Variants in CFAP47 observed in about 807,000 individuals in gnomAD.
CFAP47 encodes cilia- and flagella-associated protein 47.
In CFAP47, 29 loss-of-function variants were observed where a neutral mutation model predicts 148.1. The observed-to-expected ratio is 0.20, with a 90% CI of 0.15 to 0.27. CFAP47 has a LOEUF of 0.27. Ranked by LOEUF, CFAP47 falls within the 10% of genes least tolerant of loss-of-function variation. The pLI is 1.00. For synonymous variants in CFAP47, 664 were observed against 577.3 expected (o/e 1.15, Z -2.15); for missense variants, 1,872 against 1,697.5 (o/e 1.10, Z -1.81).
intron 23 of CFAP47, among the ~76,000 whole-genome samples, chrX:36,031,682 T>G (rs1937280870): frequency 9.1e-6 from 1 of 109,698 alleles, no homozygotes; most frequent in South Asian, 3.8e-4. Context: ...TAAATTAATA[T>G]GAAATATATT....
In CFAP47 at chrX:36,088,370, G is replaced by T. The variant is rs748338052; in HGVS notation, c.4916+2832G>T. ...ATTGTGCCCCATCCCAAATTCATATGTTGAAACCCTAACCCCCAATGTGAT... is the reference window on the plus strand; with the variant it reads ...ATTGTGCCCCATCCCAAATTCATATTTTGAAACCCTAACCCCCAATGTGAT... On this transcript the variant is annotated intron_variant, in intron 30 of 63. Transcript: ENST00000378653. Among the ~76,000 whole-genome samples, 4 of 111,402 alleles carry T rather than the reference G, an allele frequency of 3.6e-5. No individual in the cohort carries two copies. In the Admixed American group the frequency reaches 3.8e-4, roughly 11 times the overall value.
At position 35,919,975 on chromosome X, in the gene CFAP47, G is replaced by A. The variant is rs755329242; in HGVS notation, c.176G>A (p.Arg59His). 2 of 1,209,688 alleles carry A rather than the reference G, an allele frequency of 1.7e-6. No homozygotes were observed. Among genetic ancestry groups the A allele is most frequent in the East Asian group, 3.0e-5 (1 of 33,763 alleles). ...FLDTMAGRVY[R>H]LPITVHNICR... ...GACACGATGGCCGGGAGGGTGTACCGCCTCCCGATTACTGTGCATAATATT... is the reference window on the plus strand; with the variant it reads ...GACACGATGGCCGGGAGGGTGTACCACCTCCCGATTACTGTGCATAATATT... Residue 59 changes from arginine (R) to histidine (H), a missense_variant, in exon 1 of 64, where the codon CGC becomes CAC. Coordinates refer to ENST00000378653, the MANE Select transcript of CFAP47 (RefSeq NM_001304548.2).
intron 30 of CFAP47, among the ~76,000 whole-genome samples, 165 bp from the exon 31 acceptor site, chrX:36,098,628 A>T (rs1938320036): frequency 8.9e-6 from 1 of 112,065 alleles, no homozygotes; most frequent in Non-Finnish European, 1.9e-5. Flanking sequence ...AGCTTCACCC[A>T]GTGGCCACTG....
At chrX:36,340,165 C>A (rs1167088468) in intron 57 of CFAP47, among the ~76,000 whole-genome samples, 1 of 111,594 alleles carries the variant, frequency 9.0e-6, no homozygotes, top group African/African-American at 3.3e-5. Flanking sequence ...TACTCCCATT[C>A]AGTCAAGGGA....
At chrX:36,006,665 A>G (rs1433085077) in intron 21 of CFAP47, among the ~76,000 whole-genome samples, 1 of 112,058 alleles carries the variant, frequency 8.9e-6, no homozygotes, top group Non-Finnish European at 1.9e-5. Context: ...CCTACACTGC[A>G]CCAGGTTTGA....
chrX:36,169,462 C>T (rs1270274211), intron 39 of CFAP47, among the ~76,000 whole-genome samples: 16 of 108,943 alleles, frequency 1.5e-4, no homozygotes, highest in African/African-American at 5.0e-4. Flanking sequence ...TATTATTTTT[C>T]TCCCTGTTCC....
chrX:36,354,669 G>A (rs1389235078), intron 60 of CFAP47, among the ~76,000 whole-genome samples: 1 of 110,169 alleles, frequency 9.1e-6, no homozygotes, highest in Non-Finnish European at 1.9e-5. Flanking sequence ...CACCAATTCA[G>A]CAATAATTCC....
chrX:36,229,542 T>C (rs952886983), intron 46 of CFAP47, among the ~76,000 whole-genome samples: 1 of 111,709 alleles, frequency 9.0e-6, no homozygotes, highest in Admixed American at 9.5e-5. Context: ...AATGCTCTTA[T>C]GTGACATAGA....
At chrX:35,937,762 A>G (rs1748493345) in intron 2 of CFAP47, among the ~76,000 whole-genome samples, 1 of 90,493 alleles carries the variant, frequency 1.1e-5, no homozygotes, top group Non-Finnish European at 2.0e-5. Context: ...AATGTGATTA[A>G]AAAAAACTGT....
chrX:36,338,198 A>AT (rs1176779963), intron 57 of CFAP47, among the ~76,000 whole-genome samples: 1 of 108,813 alleles, frequency 9.2e-6, no homozygotes, highest in Non-Finnish European at 1.9e-5. Context: ...TCCATAATAC[A>AT]TTTTTAATGG....
In CFAP47 at chrX:36,039,165, T is replaced by A; in HGVS notation, c.3993T>A (p.Pro1331=). The change falls in exon 25 of 64, where the codon CCT becomes CCA. Residue 1331 remains proline (P), a synonymous_variant. Coordinates refer to ENST00000378653, the MANE Select transcript of CFAP47 (RefSeq NM_001304548.2). ...CTGTAATGGATATCAACATTTTACC[T>A]CAAAACTATTTCAGGTAAATACTCA... ...ITTVMDINIL[P]QNYFRNSTLC... is the part of the protein sequence containing the mutation. 9.5e-7 allele frequency: 1 copy of A among 1,054,513 alleles called. No homozygotes were observed. Among genetic ancestry groups the A allele is most frequent in the Non-Finnish European group, 1.3e-6 (1 of 790,142 alleles). The allele number at this position is 1,054,513 out of a possible 1,213,427, so 86.9% of individuals were successfully genotyped here. A position where few individuals can be genotyped will look rare whatever the true frequency, so the allele number is the denominator to read the frequency against.
At chrX:36,244,035 A>G (rs1407667761) in intron 48 of CFAP47, among the ~76,000 whole-genome samples, 1 of 111,353 alleles carries the variant, frequency 9.0e-6, no homozygotes, top group African/African-American at 3.2e-5. Context: ...TGCCCAGCAC[A>G]TTCTCAGATC....
chrX:36,171,659 C>G (rs2146858322), intron 39 of CFAP47, among the ~76,000 whole-genome samples: 1 of 111,396 alleles, frequency 9.0e-6, no homozygotes, highest in East Asian at 2.8e-4. Flanking sequence ...TGATCTATAT[C>G]TCTGTTTTGG....
In CFAP47 at chrX:36,384,979, G is replaced by C; in HGVS notation, c.9537G>C (p.Lys3179Asn). 1 of 1,164,455 alleles carries C rather than the reference G, an allele frequency of 8.6e-7. No individual in the cohort carries two copies. Among genetic ancestry groups the C allele is most frequent in the Non-Finnish European group, 1.1e-6 (1 of 870,150 alleles). The change falls in exon 64 of 64, where the codon AAG becomes AAC. Residue 3179 changes from lysine (K) to asparagine (N), a missense_variant. Physicochemically the swap from Lys to Asn is moderately conservative, Grantham distance 94 (BLOSUM62 0). Transcript: ENST00000378653. ...GAACAGGGGTGTCTTCCACCATCAA[G>C]GGTGCTCCTTTGGTGAAGAATCAAT... The part of the protein sequence containing the change: ...LIRTGVSSTI[K>N]GAPLVKNQ
At position 36,008,457 on chromosome X, in the gene CFAP47, G is replaced by A. The variant is rs1937003914; in HGVS notation, c.3418-6317G>A. On this transcript the variant is annotated intron_variant, in intron 21 of 63. Coordinates refer to ENST00000378653, the MANE Select transcript of CFAP47 (RefSeq NM_001304548.2). ...TGTTCCCTGGGGTGATTTTTCTAGA[G>A]GGTCCTTATCTGTTAAAAATGCCTG... Among the ~76,000 whole-genome samples, 5 of 110,596 alleles carry A rather than the reference G, an allele frequency of 4.5e-5. No homozygotes were observed. The South Asian group carries it at 2.0e-3, about 43-fold the overall frequency.
rs1936754435 is a variant in CFAP47 at position 35,989,050 on chromosome X, T to C, written c.2714-269T>C. On this transcript the variant is annotated intron_variant, in intron 15 of 63. Transcript: ENST00000378653. ...TGCTTCATTGTTAAATATTCTATTG[T>C]TTTCCAAATATTGGCATATTTTTTC... Among the ~76,000 whole-genome samples, 3 of 112,175 alleles carry C rather than the reference T, an allele frequency of 2.7e-5. No individual in the cohort carries two copies. The Admixed American group carries it at 2.8e-4, about 11-fold the overall frequency.
chrX:36,346,605 CAT>C lies in CFAP47; in HGVS notation c.8444-1520_8444-1519del, dbSNP rs201736024. 4.9e-3 allele frequency among the ~76,000 whole-genome samples: 542 copies of C among 111,444 alleles called. 5 individuals carry two copies. Among genetic ancestry groups the C allele is most frequent in the African/African-American group, 0.016 (503 of 30,730 alleles). On this transcript the variant is annotated intron_variant, in intron 57 of 63. Transcript: ENST00000378653. Reference sequence around the variant, plus strand: ...TTGCACCTGTTATAGTCTAGAGAAACATATACGAGAAAATAAAGAATCAAAAA... The same window carrying C: ...TTGCACCTGTTATAGTCTAGAGAAACATACGAGAAAATAAAGAATCAAAAA...
intron 49 of CFAP47, among the ~76,000 whole-genome samples, chrX:36,264,108 C>G (rs1388141325): frequency 8.9e-6 from 1 of 111,750 alleles, no homozygotes; most frequent in East Asian, 2.8e-4. Context: ...TGATGCTTAT[C>G]CTGCTGTGGC....
At chrX:36,226,544 A>G (rs1169435681) in intron 45 of CFAP47, among the ~76,000 whole-genome samples, 2 of 111,746 alleles carry the variant, frequency 1.8e-5, no homozygotes, top group Non-Finnish European at 3.8e-5. Flanking sequence ...TTAAAAATGA[A>G]ACAGATATTG....
Sources: gnomAD v4.1 joint callset for allele counts (sites outside exome capture counted in the v4.1 genomes callset) on GRCh38, gnomAD v4.1.1 for gene constraint, MANE v1.5 for transcripts, NCBI Gene and HGNC (gene_info 2026-07-23, HGNC 2026-07-21) for gene names.